The following ZNF423 variants were observed in gnomAD, a reference collection of about 807,000 sequenced individuals.
ZNF423 encodes the protein zinc finger protein 423.
A neutral mutation model predicts 95.8 loss-of-function variants in ZNF423; 12 were observed. The ratio of observed to expected loss-of-function variants is 0.13; its 90% CI spans 0.08 to 0.20. ZNF423 has a LOEUF of 0.20. Among genes scored for constraint, ZNF423 ranks in the 10% least tolerant of loss-of-function variants. The pLI, the probability that ZNF423 is intolerant of heterozygous loss-of-function variation, is 1.00. For synonymous variants in ZNF423, 749 were observed against 711.9 expected, an observed-to-expected ratio of 1.05 and a Z score of -0.83; for missense variants, 1,316 against 1,737.1, an observed-to-expected ratio of 0.76 and a Z score of 4.31.
At chr16:49,742,377 C>A (rs2033432434) in intron 2 of ZNF423, among the ~76,000 whole-genome samples, 1 of 152,096 alleles carries the variant, frequency 6.6e-6, no homozygotes, top group South Asian at 2.1e-4. Context: ...GAAAAATAAA[C>A]CTCAAACACC....
At chr16:49,696,913 G>A (rs536530724) in intron 3 of ZNF423, among the ~76,000 whole-genome samples, 2 of 152,332 alleles carry the variant, frequency 1.3e-5, no homozygotes, top group South Asian at 4.1e-4. Flanking sequence ...TCAGGAGGGG[G>A]GCTGGCTTTG....
At chr16:49,689,181 C>T (rs139443727) in intron 3 of ZNF423, among the ~76,000 whole-genome samples, 1,789 of 152,076 alleles carry the variant, frequency 0.012, 29 homozygotes, top group African/African-American at 0.041. Context: ...GTGGCTCATG[C>T]CTGTAATCCC....
At chr16:49,554,094 G>C (rs1969741275) in intron 5 of ZNF423, among the ~76,000 whole-genome samples, 1 of 152,072 alleles carries the variant, frequency 6.6e-6, no homozygotes, top group African/African-American at 2.4e-5. Flanking sequence ...ACTGGCACTG[G>C]GCAGACTTAG....
intron 2 of ZNF423, among the ~76,000 whole-genome samples, chr16:49,739,052 C>G (rs1012768009): frequency 8.6e-5 from 13 of 152,022 alleles, no homozygotes; most frequent in Admixed American, 7.2e-4. Flanking sequence ...AGAGAAAAAA[C>G]AGAAAAGAAT....
At chr16:49,546,723 G>A (rs567834212) in intron 5 of ZNF423, among the ~76,000 whole-genome samples, 4 of 152,224 alleles carry the variant, frequency 2.6e-5, no homozygotes, top group Non-Finnish European at 5.9e-5. Flanking sequence ...AATGCTTTTC[G>A]AATATTCCCT....
At chr16:49,682,439 C>A (rs562921189) in intron 3 of ZNF423, among the ~76,000 whole-genome samples, 1 of 152,352 alleles carries the variant, frequency 6.6e-6, no homozygotes, top group African/African-American at 2.4e-5. Context: ...GATGCCAGAT[C>A]CTCCCGGTCC....
At chr16:49,628,969 A>G (rs565673151) in intron 4 of ZNF423, among the ~76,000 whole-genome samples, 1 of 152,282 alleles carries the variant, frequency 6.6e-6, no homozygotes, top group South Asian at 2.1e-4. Flanking sequence ...GAATCACAAT[A>G]TCCAAGTTTT....
At chr16:49,850,785 T>A (rs1407098685) in intron 1 of ZNF423, among the ~76,000 whole-genome samples, 1 of 152,204 alleles carries the variant, frequency 6.6e-6, no homozygotes, top group Non-Finnish European at 1.5e-5. Flanking sequence ...AAACTGCAAG[T>A]CCAGAAGCAG....
At chr16:49,835,076 C>G (rs1179513173) in intron 1 of ZNF423, among the ~76,000 whole-genome samples, 1 of 152,064 alleles carries the variant, frequency 6.6e-6, no homozygotes, top group Non-Finnish European at 1.5e-5. Context: ...GGTGGCTGAG[C>G]CTTGGCTCTT....
rs550723758 is a variant in ZNF423 at position 49,798,619 on chromosome 16, A to T, written c.41-9073T>A. Among the ~76,000 whole-genome samples the T allele has an allele frequency of 1.8e-4, 27 of 152,274 alleles. 1 individual carries two copies. Among genetic ancestry groups the T allele is most frequent in the South Asian group, 6.2e-4 (3 of 4,824 alleles). The stretch of plus-strand genomic sequence containing the variant: ...AAAATAAATACATACAATTTTTTTT[A>T]AAAAAATTAAAGCAGAATATTCCAA... On this transcript the variant is annotated intron_variant, in intron 1 of 7. Coordinates refer to ENST00000563137, the MANE Select transcript of ZNF423 (RefSeq NM_001379286.1).
chr16:49,530,194 G>A (rs949710005), intron 5 of ZNF423, among the ~76,000 whole-genome samples: 1 of 152,090 alleles, frequency 6.6e-6, no homozygotes. Flanking sequence ...TGGCAGCCAA[G>A]CAGTCTTATT....
chr16:49,616,750 G>C (rs1375543470), intron 5 of ZNF423, among the ~76,000 whole-genome samples: 2 of 152,190 alleles, frequency 1.3e-5, no homozygotes, highest in Non-Finnish European at 2.9e-5. Flanking sequence ...AAGGCAGAGA[G>C]AGGGGGCCAT....
intron 5 of ZNF423, among the ~76,000 whole-genome samples, chr16:49,616,818 T>C (rs1029337188): frequency 2.6e-5 from 4 of 152,094 alleles, no homozygotes; most frequent in African/African-American, 9.7e-5. Flanking sequence ...TGACATCTGG[T>C]ATATAGGCTT....
At chr16:49,589,267 C>T (rs867949717) in intron 5 of ZNF423, among the ~76,000 whole-genome samples, 2 of 152,264 alleles carry the variant, frequency 1.3e-5, no homozygotes, top group Middle Eastern at 3.4e-3. Flanking sequence ...CAAAATCAGA[C>T]AAAGAGATAA....
At chr16:49,725,646 G>A (rs1339441641) in intron 3 of ZNF423, among the ~76,000 whole-genome samples, 4 of 152,190 alleles carry the variant, frequency 2.6e-5, no homozygotes, top group Non-Finnish European at 5.9e-5. Context: ...TGGGCGTGGG[G>A]GCTGCAGAGG....
chr16:49,558,043 T>C (rs1005245694), intron 5 of ZNF423, among the ~76,000 whole-genome samples: 7 of 152,014 alleles, frequency 4.6e-5, no homozygotes, highest in African/African-American at 1.7e-4. Context: ...AGCTACACAG[T>C]GTCATCCTGC....
intron 3 of ZNF423, among the ~76,000 whole-genome samples, chr16:49,673,724 T>TG (rs1339932966): frequency 6.6e-6 from 1 of 152,162 alleles, no homozygotes; most frequent in Non-Finnish European, 1.5e-5. Flanking sequence ...CTTCTGCCCA[T>TG]GGGGGGCTAC....
At chr16:49,569,545 C>A (rs186404723) in intron 5 of ZNF423, among the ~76,000 whole-genome samples, 274 of 152,268 alleles carry the variant, frequency 1.8e-3, no homozygotes, top group African/African-American at 6.5e-3. Context: ...ACTTTAAGAG[C>A]CTCAGTTTCC....
rs1032083283 is a variant in ZNF423, at chr16:49,722,680, C to G, written c.301+8091G>C. Among the ~76,000 whole-genome samples the G allele has an allele frequency of 7.2e-5, 11 of 152,302 alleles. No individual in the cohort carries two copies. The East Asian group carries it at 2.1e-3, about 29-fold the overall frequency. On this transcript the variant is annotated intron_variant, in intron 3 of 7. Transcript: ENST00000563137. ...ATCCATGGCATTTCCACTTTTCTTA[C>G]TGCACACACCCCTTTGCCTTGCAGG...
Sources: allele counts gnomAD v4.1 joint callset (sites outside exome capture counted in the v4.1 genomes callset), GRCh38; gene constraint gnomAD v4.1.1; transcripts MANE v1.5; gene names NCBI Gene and HGNC (gene_info 2026-07-23, HGNC 2026-07-21).